The following SSH2 variants were observed in gnomAD, a reference collection of about 807,000 sequenced individuals.
The protein encoded by SSH2 is protein phosphatase Slingshot homolog 2.
SSH2 carries 37 observed loss-of-function variants against 135.2 expected under a neutral mutation model. The observed-to-expected ratio is 0.27, with a 90% CI of 0.21 to 0.36. SSH2 has a LOEUF of 0.36. Ranked by LOEUF, SSH2 falls within the 10% of genes least tolerant of loss-of-function variation. The pLI is 1.00. For synonymous variants in SSH2, 628 were observed against 646.2 expected (o/e 0.97, Z 0.43); for missense variants, 1,408 against 1,765.3 (o/e 0.80, Z 3.63).
chr17:29,637,851 T>C (rs811291), intron 14 of SSH2, among the ~76,000 whole-genome samples: 1 of 151,406 alleles, frequency 6.6e-6, no homozygotes, highest in Non-Finnish European at 1.5e-5. Flanking sequence ...CCGTGGCTCA[T>C]GCCTGTAATC....
At chr17:29,819,088 T>C (rs921929621) in intron 2 of SSH2, among the ~76,000 whole-genome samples, 1 of 151,730 alleles carries the variant, frequency 6.6e-6, no homozygotes, top group African/African-American at 2.4e-5. Flanking sequence ...TAGCTGGGTG[T>C]GGTGGTGCAA....
At chr17:29,839,322 C>T (rs941347393) in intron 2 of SSH2, among the ~76,000 whole-genome samples, 2 of 152,166 alleles carry the variant, frequency 1.3e-5, no homozygotes, top group Admixed American at 6.5e-5. Context: ...CCTGCCAGGC[C>T]GAGTGGGTGG....
chr17:29,837,128 G>A (rs979516231), intron 2 of SSH2, among the ~76,000 whole-genome samples: 12 of 152,074 alleles, frequency 7.9e-5, no homozygotes, highest in African/African-American at 2.9e-4. Flanking sequence ...GTGGTGGCAA[G>A]CACCTGTAGT....
At chr17:29,838,907 G>T in intron 2 of SSH2, 1 of 173,076 alleles carries the variant, frequency 5.8e-6, no homozygotes, top group Admixed American at 5.9e-5. Context: ...AAACAGGGCT[G>T]AAACGTGCCC....
chr17:29,650,906 T>C, intron 12 of SSH2, 106 bp from the exon 13 acceptor site: 2 of 890,294 alleles, frequency 2.2e-6, no homozygotes, highest in Non-Finnish European at 3.2e-6. Flanking sequence ...AGACTGAAAT[T>C]AAATACAAAA....
intron 3 of SSH2, among the ~76,000 whole-genome samples, chr17:29,718,344 T>C (rs2039698481): frequency 6.6e-6 from 1 of 152,218 alleles, no homozygotes; most frequent in Admixed American, 6.5e-5. Context: ...TAGCCACACT[T>C]ATGGCTATCA....
rs556782335 is a variant in SSH2 at position 29,746,411 on chromosome 17, G to A, written c.189-43349C>T. Among the ~76,000 whole-genome samples the A allele has an allele frequency of 2.1e-4, 32 of 151,764 alleles. No individual in the cohort carries two copies. In the South Asian group the frequency reaches 6.2e-3, roughly 30 times the overall value. Reference sequence around the variant, plus strand: ...AAAAAAACAAAAATTAGCCGGGTGTGGTGGTGGACGCCTGTAATCCCAGCT... The same window carrying A: ...AAAAAAACAAAAATTAGCCGGGTGTAGTGGTGGACGCCTGTAATCCCAGCT... On this transcript the variant is annotated intron_variant, in intron 3 of 15. Transcript: ENST00000540801.
chr17:29,680,844 T>C (rs1221966260), intron 6 of SSH2, among the ~76,000 whole-genome samples: 1 of 152,134 alleles, frequency 6.6e-6, no homozygotes, highest in African/African-American at 2.4e-5. Flanking sequence ...TAGCAACAAG[T>C]ATAATTTTGA....
intron 1 of SSH2, among the ~76,000 whole-genome samples, chr17:29,902,036 C>T (rs577128239): frequency 1.3e-5 from 2 of 152,190 alleles, no homozygotes; most frequent in Non-Finnish European, 2.9e-5. Flanking sequence ...ATCCTCCTAC[C>T]TTGGCCTTCC....
intron 1 of SSH2, chr17:29,883,122 A>T (rs2066169882): frequency 6.6e-6 from 1 of 152,170 alleles, no homozygotes; most frequent in African/African-American, 2.4e-5. Flanking sequence ...AAAAGAAATA[A>T]AATAGAAAAG....
At chr17:29,843,960 T>G (rs1442430987) in intron 2 of SSH2, among the ~76,000 whole-genome samples, 1 of 152,212 alleles carries the variant, frequency 6.6e-6, no homozygotes, top group East Asian at 1.9e-4. Flanking sequence ...TAGAAGAGAA[T>G]GCAGATCTAT....
chr17:29,648,455 G>C (rs2036464296), intron 13 of SSH2, 111 bp from the exon 14 acceptor site: 2 of 838,272 alleles, frequency 2.4e-6, no homozygotes, highest in South Asian at 3.8e-5. Flanking sequence ...CCATTTTCTT[G>C]CTATGCAATC....
chr17:29,687,271 A>G (rs975403792), intron 5 of SSH2, among the ~76,000 whole-genome samples: 23 of 152,184 alleles, frequency 1.5e-4, no homozygotes, highest in African/African-American at 5.3e-4. Context: ...TTTTGTCTCT[A>G]TTCTGATACT....
At chr17:29,870,069 C>T (rs924058902) in intron 1 of SSH2, among the ~76,000 whole-genome samples, 5 of 151,776 alleles carry the variant, frequency 3.3e-5, no homozygotes, top group Admixed American at 2.0e-4. Flanking sequence ...CCCTTTGGGC[C>T]CGCAATTCTA....
intron 1 of SSH2, chr17:29,928,572 C>T: frequency 2.5e-6 from 1 of 398,490 alleles, no homozygotes; most frequent in Non-Finnish European, 4.4e-6. Context: ...ACCAAGAATC[C>T]CAGTTCTGCT....
At chr17:29,850,091 C>T (rs534018787) in intron 1 of SSH2, among the ~76,000 whole-genome samples, 4 of 149,524 alleles carry the variant, frequency 2.7e-5, no homozygotes, top group African/African-American at 9.8e-5. Context: ...CCAACAGGCA[C>T]CAGAAAACAA....
At chr17:29,644,389 C>G (rs1403700142) in intron 14 of SSH2, among the ~76,000 whole-genome samples, 1 of 152,244 alleles carries the variant, frequency 6.6e-6, no homozygotes, top group Non-Finnish European at 1.5e-5. Flanking sequence ...TAACAAGAGT[C>G]TCTTTCCAGG....
chr17:29,870,511 T>C (rs2065921677), intron 1 of SSH2, among the ~76,000 whole-genome samples: 1 of 152,194 alleles, frequency 6.6e-6, no homozygotes, highest in African/African-American at 2.4e-5. Context: ...ATGTCTTACC[T>C]AGTTTAAAAA....
chr17:29,785,179 G>A lies in SSH2; in HGVS notation c.188+8715C>T, dbSNP rs368910629. ...TTCATTTTCAAAGTAATCAAAAAAA[G>A]TATAATATATTATATGTATTGCTGG... On this transcript the variant is annotated intron_variant, in intron 3 of 15. Transcript: ENST00000540801. 1.3e-4 allele frequency among the ~76,000 whole-genome samples: 20 copies of A among 152,042 alleles called. No individual in the cohort carries two copies. The East Asian group carries it at 1.9e-3, about 15-fold the overall frequency.
Sources: gnomAD v4.1 joint callset for allele counts (sites outside exome capture counted in the v4.1 genomes callset) on GRCh38, gnomAD v4.1.1 for gene constraint, MANE v1.5 for transcripts, NCBI Gene and HGNC (gene_info 2026-07-23, HGNC 2026-07-21) for gene names.